GATAD2B: variants seen among roughly 807,000 people sequenced by gnomAD.
GATAD2B encodes the protein transcriptional repressor p66-beta.
Under a neutral mutation model 64.3 loss-of-function variants are expected in GATAD2B, and 8 were observed. That is an observed-to-expected ratio of 0.12 (90% confidence interval 0.07 to 0.22). The LOEUF is 0.22. Among genes scored for constraint, GATAD2B ranks in the 10% least tolerant of loss-of-function variants. The pLI, the probability that GATAD2B is intolerant of heterozygous loss-of-function variation, is 1.00. For synonymous variants in GATAD2B, 281 were observed against 271.3 expected (o/e 1.04, Z -0.35); for missense variants, 453 against 752.0 (o/e 0.60, Z 4.65).
At chr1:153,822,465 TA>T (rs781062038) in intron 2 of GATAD2B, among the ~76,000 whole-genome samples, 30 of 152,158 alleles carry the variant, frequency 2.0e-4, no homozygotes, top group Non-Finnish European at 4.3e-4. Context: ...TTCCCAGATA[TA>T]AACACACCGG....
At chr1:153,846,686 G>A (rs974556884) in intron 1 of GATAD2B, among the ~76,000 whole-genome samples, 5 of 146,460 alleles carry the variant, frequency 3.4e-5, no homozygotes, top group Non-Finnish European at 7.4e-5. Context: ...TCAGCCTCCC[G>A]AGTAGCTGGG....
intron 7 of GATAD2B, among the ~76,000 whole-genome samples, chr1:153,815,524 C>T (rs189176128): frequency 7.1e-4 from 108 of 151,720 alleles, no homozygotes; most frequent in African/African-American, 2.4e-3. Flanking sequence ...AGTTGTTTCA[C>T]TTAAAGTCAC....
At chr1:153,839,772 C>A (rs533719930) in intron 1 of GATAD2B, among the ~76,000 whole-genome samples, 34 of 152,166 alleles carry the variant, frequency 2.2e-4, no homozygotes, top group African/African-American at 7.7e-4. Context: ...GAGTTTGAAA[C>A]CAGCCTGACT....
chr1:153,902,259 C>T (rs1356020299), intron 1 of GATAD2B, among the ~76,000 whole-genome samples: 3 of 149,668 alleles, frequency 2.0e-5, no homozygotes, highest in Non-Finnish European at 4.4e-5. Context: ...CCAGCCTGGG[C>T]AACAAGAGCG....
intron 1 of GATAD2B, among the ~76,000 whole-genome samples, chr1:153,895,296 T>G (rs1677551963): frequency 6.6e-6 from 1 of 151,022 alleles, no homozygotes; most frequent in Non-Finnish European, 1.5e-5. Flanking sequence ...ATCGCGCCAC[T>G]GCACTGCAGC....
At chr1:153,853,467 TATAC>T in intron 1 of GATAD2B, 1 of 473,392 alleles carries the variant, frequency 2.1e-6, no homozygotes, top group East Asian at 3.9e-5. Context: ...TATTTTTTAA[TATAC>T]ATATATTTTT....
chr1:153,904,100 GA>G (rs1304546077), intron 1 of GATAD2B, among the ~76,000 whole-genome samples: 8 of 152,030 alleles, frequency 5.3e-5, no homozygotes, highest in Non-Finnish European at 1.0e-4. Context: ...CCAACATGAA[GA>G]AACCTCAGTC....
chr1:153,849,309 A>C (rs1480228196), intron 1 of GATAD2B, among the ~76,000 whole-genome samples: 1 of 152,198 alleles, frequency 6.6e-6, no homozygotes, highest in Non-Finnish European at 1.5e-5. Context: ...TTTTATAACA[A>C]CATTAATCCC....
At chr1:153,831,948 C>G (rs1675090442) in intron 1 of GATAD2B, among the ~76,000 whole-genome samples, 1 of 152,242 alleles carries the variant, frequency 6.6e-6, no homozygotes, top group Admixed American at 6.5e-5. Flanking sequence ...GGCACAGTGG[C>G]TCACGCCTGT....
chr1:153,885,003 C>T (rs1403827905), intron 1 of GATAD2B, among the ~76,000 whole-genome samples: 4 of 152,050 alleles, frequency 2.6e-5, no homozygotes, highest in African/African-American at 4.8e-5. Flanking sequence ...GAGATCCTCC[C>T]GCTTCGGCCT....
At chr1:153,848,881 A>C (rs563470565) in intron 1 of GATAD2B, among the ~76,000 whole-genome samples, 1 of 152,192 alleles carries the variant, frequency 6.6e-6, no homozygotes. Flanking sequence ...TGAACCCGGG[A>C]GGCAGAGGTT....
intron 1 of GATAD2B, among the ~76,000 whole-genome samples, chr1:153,910,630 C>T (rs1678086317): frequency 6.6e-6 from 1 of 152,106 alleles, no homozygotes; most frequent in South Asian, 2.1e-4. Flanking sequence ...ATTCCAGCTA[C>T]TCAGGAGGCT....
At chr1:153,868,754 T>G (rs946791994) in intron 1 of GATAD2B, among the ~76,000 whole-genome samples, 2 of 151,196 alleles carry the variant, frequency 1.3e-5, no homozygotes, top group Non-Finnish European at 3.0e-5. Flanking sequence ...TTTTTTTTTT[T>G]TGAGAGATTC....
At chr1:153,820,888 A>T (rs1291318885) in intron 2 of GATAD2B, among the ~76,000 whole-genome samples, 1 of 151,524 alleles carries the variant, frequency 6.6e-6, no homozygotes, top group Non-Finnish European at 1.5e-5. Flanking sequence ...TTGGCCTTAA[A>T]CAATCAACTT....
intron 1 of GATAD2B, among the ~76,000 whole-genome samples, chr1:153,836,105 C>A (rs542279057): frequency 6.6e-6 from 1 of 151,980 alleles, no homozygotes; most frequent in African/African-American, 2.4e-5. Flanking sequence ...TTGTGGTGGT[C>A]TGGAATGGAA....
intron 1 of GATAD2B, among the ~76,000 whole-genome samples, chr1:153,836,596 C>G (rs1480239187): frequency 6.8e-6 from 1 of 146,608 alleles, no homozygotes; most frequent in Non-Finnish European, 1.5e-5. Flanking sequence ...GTGGGAAGAT[C>G]ATTTGAGCCC....
chr1:153,852,909 C>T, intron 1 of GATAD2B: 1 of 792,606 alleles, frequency 1.3e-6, no homozygotes, highest in Non-Finnish European at 2.2e-6. Context: ...AGCCACTGCT[C>T]ATGAGCTGCA....
chr1:153,897,584 T>C lies in GATAD2B; in HGVS notation c.-2+25149A>G, dbSNP rs559676547. Among the ~76,000 whole-genome samples, 10 of 152,284 alleles carry C rather than the reference T, an allele frequency of 6.6e-5. No individual in the cohort carries two copies. In the East Asian group the frequency reaches 1.9e-3, roughly 29 times the overall value. ...GGAAAATAACTGATAAGAGACTAAG[T>C]ACATATTTTCTACAAAAAGTCAAAA... On this transcript the variant is annotated intron_variant, in intron 1 of 10. Transcript: ENST00000368655.
Position 153,828,120 on chromosome 1 carries a change from T to C in GATAD2B, c.228A>G (p.Glu76=), listed in dbSNP as rs1320615451. 1.9e-6 allele frequency: 3 copies of C among 1,614,078 alleles called. No individual in the cohort carries two copies. The highest frequency in any genetic ancestry group is 2.5e-6 in the Non-Finnish European group (3 of 1,180,040). The change falls in exon 2 of 11, where the codon GAA becomes GAG. Residue 76 remains glutamate (E), a synonymous_variant. Coordinates refer to ENST00000368655, the MANE Select transcript of GATAD2B (RefSeq NM_020699.4). ...GCCTGAGATTCCCGTTAAGTTTTTC[T>C]TCATAGCCCTTGACACCACTGCCAT... The part of the protein sequence containing the change: ...KQDGSGVKGY[E]EKLNGNLRPH...
Sources: gnomAD v4.1 joint callset for allele counts (sites outside exome capture counted in the v4.1 genomes callset) on GRCh38, gnomAD v4.1.1 for gene constraint, MANE v1.5 for transcripts, NCBI Gene and HGNC (gene_info 2026-07-23, HGNC 2026-07-21) for gene names.